The following ERBB4 variants were observed in gnomAD, a reference collection of about 807,000 sequenced individuals.
ERBB4 encodes the protein erb-b2 receptor tyrosine kinase 4.
In ERBB4, 42 loss-of-function variants were observed where a neutral mutation model predicts 158.0. That is an observed-to-expected ratio of 0.27 (90% confidence interval 0.21 to 0.34). The LOEUF (loss-of-function observed/expected upper bound fraction) is 0.34. ERBB4 is among the 10% of genes least tolerant of loss of function. The pLI is 1.00. For missense variants in ERBB4, 1,333 were observed against 1,624.1 expected (o/e 0.82, Z 3.08); for synonymous variants, 583 against 558.7 (o/e 1.04, Z -0.61).
At chr2:212,514,341 T>C (rs1203500919) in intron 1 of ERBB4, among the ~76,000 whole-genome samples, 1 of 152,210 alleles carries the variant, frequency 6.6e-6, no homozygotes, top group Non-Finnish European at 1.5e-5. Flanking sequence ...CAAATAAAGT[T>C]AACAAGGTAC....
intron 25 of ERBB4, among the ~76,000 whole-genome samples, chr2:211,413,228 A>C: frequency 6.6e-6 from 1 of 150,414 alleles, no homozygotes; most frequent in African/African-American, 2.4e-5. Context: ...ACTTGAGCCC[A>C]GGAGGTCAAG....
chr2:211,829,770 G>T (rs2077180551), intron 3 of ERBB4, among the ~76,000 whole-genome samples: 1 of 152,010 alleles, frequency 6.6e-6, no homozygotes, highest in Non-Finnish European at 1.5e-5. Context: ...TTAAAGCTCT[G>T]CCACTTAGAT....
intron 20 of ERBB4, among the ~76,000 whole-genome samples, chr2:211,485,851 T>C (rs2065191278): frequency 7.0e-6 from 1 of 141,900 alleles, no homozygotes; most frequent in Admixed American, 7.0e-5. Flanking sequence ...AAACTTAAAG[T>C]ATAATAAAAA....
chr2:211,628,137 T>C (rs750163758), intron 17 of ERBB4, among the ~76,000 whole-genome samples: 2 of 149,966 alleles, frequency 1.3e-5, no homozygotes, highest in Non-Finnish European at 3.0e-5. Flanking sequence ...CTTTCTAACA[T>C]TTTTCTAAAT....
intron 1 of ERBB4, among the ~76,000 whole-genome samples, chr2:212,498,096 T>TTG (rs1015607083): frequency 4.6e-5 from 7 of 151,090 alleles, no homozygotes; most frequent in East Asian, 1.9e-4. Context: ...AGCCTTTCTA[T>TTG]TGTGTGTGTG....
intron 3 of ERBB4, among the ~76,000 whole-genome samples, chr2:211,885,578 G>A (rs1163580223): frequency 6.6e-6 from 1 of 151,796 alleles, no homozygotes; most frequent in East Asian, 1.9e-4. Context: ...ATCTCAGCCT[G>A]CTGAGTAACT....
intron 25 of ERBB4, among the ~76,000 whole-genome samples, chr2:211,411,750 A>G (rs1328053196): frequency 1.3e-5 from 2 of 152,208 alleles, no homozygotes; most frequent in Non-Finnish European, 2.9e-5. Flanking sequence ...ATAGGATTAT[A>G]TATCATTTGA....
intron 25 of ERBB4, among the ~76,000 whole-genome samples, chr2:211,399,844 A>G (rs984439536): frequency 1.3e-5 from 2 of 152,146 alleles, no homozygotes; most frequent in Admixed American, 6.6e-5. Context: ...ACTAAGAACA[A>G]TAAGACAGAC....
chr2:212,506,227 A>T lies in ERBB4; in HGVS notation c.82+32222T>A, dbSNP rs1691188911. Among the ~76,000 whole-genome samples, 3 of 149,014 alleles carry T rather than the reference A, an allele frequency of 2.0e-5. 1 individual carries two copies. In the South Asian group the frequency reaches 6.4e-4, roughly 32 times the overall value. On this transcript the variant is annotated intron_variant, in intron 1 of 27. Coordinates refer to ENST00000342788, the MANE Select transcript of ERBB4 (RefSeq NM_005235.3). ...AATAGGTGTGTGTTCTGACTGCTTCACTAGGCCATTTCCCCATCTCTCTCC... is the reference window on the plus strand; with the variant it reads ...AATAGGTGTGTGTTCTGACTGCTTCTCTAGGCCATTTCCCCATCTCTCTCC...
At chr2:211,820,308 A>G (rs868757528) in intron 3 of ERBB4, among the ~76,000 whole-genome samples, 6 of 152,034 alleles carry the variant, frequency 3.9e-5, no homozygotes, top group South Asian at 2.1e-4. Context: ...GAACAACTAT[A>G]TGCCAATAAA....
intron 2 of ERBB4, among the ~76,000 whole-genome samples, chr2:211,993,230 C>G (rs528409304): frequency 3.3e-5 from 5 of 152,158 alleles, no homozygotes; most frequent in Middle Eastern, 3.2e-3. Flanking sequence ...GGGTGAGACC[C>G]TAACCCAAGG....
At chr2:211,828,993 A>T (rs2077163209) in intron 3 of ERBB4, among the ~76,000 whole-genome samples, 1 of 152,116 alleles carries the variant, frequency 6.6e-6, no homozygotes, top group Admixed American at 6.6e-5. Context: ...ATTGAGAGAA[A>T]CTCAGTTGCA....
chr2:211,531,655 A>C (rs970775898), intron 20 of ERBB4, among the ~76,000 whole-genome samples: 5 of 152,146 alleles, frequency 3.3e-5, no homozygotes, highest in African/African-American at 1.2e-4. Flanking sequence ...AAAGACAGAC[A>C]ATAACAAATG....
chr2:211,755,632 G>C (rs1575100979), intron 4 of ERBB4, among the ~76,000 whole-genome samples: 1 of 152,312 alleles, frequency 6.6e-6, no homozygotes, highest in East Asian at 1.9e-4. Flanking sequence ...GCTGGCAAAC[G>C]TGACTAAGTT....
Position 211,788,026 on chromosome 2 carries a change from T to C in ERBB4, c.555A>G (p.Gly185=), listed in dbSNP as rs1474755767. 3.1e-6 allele frequency: 5 copies of C among 1,613,550 alleles called. No homozygotes were observed. The highest frequency in any genetic ancestry group is 4.2e-6 in the Non-Finnish European group (5 of 1,179,560). The change falls in exon 4 of 28, where the codon GGA becomes GGG. Residue 185 remains glycine, a splice_region_variant and synonymous_variant. Coordinates refer to ENST00000342788, the MANE Select transcript of ERBB4 (RefSeq NM_005235.3). ...LTLVSTNGSS[G]CGRCHKSCTG... Reference sequence around the variant, plus strand: ...ATTAAAAAGAATAATTCTACTTACATCCTGAACTACCATTTGTTGACACAA... The same window carrying C: ...ATTAAAAAGAATAATTCTACTTACACCCTGAACTACCATTTGTTGACACAA...
intron 11 of ERBB4, 50 bp downstream of exon 11, chr2:211,704,054 T>A: frequency 9.8e-7 from 1 of 1,020,582 alleles, no homozygotes; most frequent in Non-Finnish European, 1.6e-6. Flanking sequence ...GCACACACAA[T>A]GCTCCTCTTG....
At chr2:212,033,238 A>T (rs1309917338) in intron 2 of ERBB4, among the ~76,000 whole-genome samples, 1 of 152,022 alleles carries the variant, frequency 6.6e-6, no homozygotes, top group Non-Finnish European at 1.5e-5. Flanking sequence ...GGCAATTTGG[A>T]AAAACAAATT....
chr2:212,012,152 T>C (rs767380092), intron 2 of ERBB4, among the ~76,000 whole-genome samples: 2 of 152,192 alleles, frequency 1.3e-5, no homozygotes, highest in Non-Finnish European at 2.9e-5. Flanking sequence ...AATTGTCTTA[T>C]CTCTAGCCAG....
At chr2:211,783,620 G>T (rs994308309) in intron 4 of ERBB4, among the ~76,000 whole-genome samples, 27 of 152,216 alleles carry the variant, frequency 1.8e-4, no homozygotes, top group African/African-American at 6.5e-4. Flanking sequence ...AATCTATTGA[G>T]ATAATCACGT....
Sources: allele counts gnomAD v4.1 joint callset (sites outside exome capture counted in the v4.1 genomes callset), GRCh38; gene constraint gnomAD v4.1.1; transcripts MANE v1.5; gene names NCBI Gene and HGNC (gene_info 2026-07-23, HGNC 2026-07-21).